Variants in FAM20B observed in about 807,000 individuals in gnomAD.
FAM20B encodes the protein glycosaminoglycan xylosylkinase.
Under a neutral mutation model 43.8 loss-of-function variants are expected in FAM20B, and 23 were observed. The ratio of observed to expected loss-of-function variants is 0.53; its 90% CI spans 0.38 to 0.74. The LOEUF is 0.74. Among genes scored for constraint, FAM20B ranks in the 30% least tolerant of loss-of-function variants. The pLI is 0.00. For synonymous variants in FAM20B, 178 were observed against 192.4 expected (o/e 0.93, Z 0.62); for missense variants, 440 against 510.5 (o/e 0.86, Z 1.33).
intron 5 of FAM20B, 24 bp downstream of exon 5, chr1:179,064,122 C>G (rs757192926): frequency 6.3e-7 from 1 of 1,587,236 alleles, no homozygotes; most frequent in Non-Finnish European, 8.6e-7. Flanking sequence ...TGAGCCATTA[C>G]TTAATTCTCC....
chr1:179,047,539 A>G (rs888183271), intron 2 of FAM20B, among the ~76,000 whole-genome samples: 1 of 145,026 alleles, frequency 6.9e-6, no homozygotes, highest in Non-Finnish European at 1.6e-5. Context: ...GCCTGTGTCC[A>G]CTCCCAGCAA....
At chr1:179,051,670 A>G (rs910295475) in intron 3 of FAM20B, among the ~76,000 whole-genome samples, 3 of 152,116 alleles carry the variant, frequency 2.0e-5, no homozygotes, top group Non-Finnish European at 2.9e-5. Context: ...TTTCTGAGAC[A>G]GAGTCTCACT....
At chr1:179,070,084 T>C (rs112571914) in intron 7 of FAM20B, among the ~76,000 whole-genome samples, 12,010 of 152,122 alleles carry the variant, frequency 0.079, 475 homozygotes, top group South Asian at 0.12. Context: ...CTCGCTCTGT[T>C]GCCCAGGCTG....
Position 179,028,911 on chromosome 1 carries a change from C to T in FAM20B, c.-134+2813C>T, listed in dbSNP as rs924505832. ...TCTTTTTGTCAAAAGAAAAAAAAAG[C>T]GTAGAAAATGTGTTTCGGATTACTG... On this transcript the variant is annotated intron_variant, in intron 1 of 7. Transcript: ENST00000263733. 1.7e-4 allele frequency among the ~76,000 whole-genome samples: 26 copies of T among 152,056 alleles called. 1 individual carries two copies. Among genetic ancestry groups the T allele is most frequent in the African/African-American group, 5.8e-4 (24 of 41,342 alleles).
intron 4 of FAM20B, among the ~76,000 whole-genome samples, chr1:179,055,115 TC>T (rs1289955163): frequency 6.6e-6 from 1 of 152,186 alleles, no homozygotes; most frequent in Non-Finnish European, 1.5e-5. Context: ...ACCTGGAAGA[TC>T]AACAGGCCTA....
At chr1:179,051,177 C>T (rs1221068550) in intron 3 of FAM20B, among the ~76,000 whole-genome samples, 2 of 151,172 alleles carry the variant, frequency 1.3e-5, no homozygotes, top group African/African-American at 4.9e-5. Context: ...TGTAAGTTAA[C>T]TAGGAAAATT....
upstream of FAM20B, among the ~76,000 whole-genome samples, chr1:179,021,027 C>T (rs1649596124): frequency 6.6e-6 from 1 of 152,196 alleles, no homozygotes; most frequent in South Asian, 2.1e-4. Flanking sequence ...GCTGAGATTG[C>T]ACCTCTGCAC....
intron 7 of FAM20B, among the ~76,000 whole-genome samples, chr1:179,068,562 A>G (rs956396663): frequency 7.2e-5 from 11 of 152,118 alleles, no homozygotes; most frequent in Admixed American, 1.3e-4. Context: ...CAGCCTCCCA[A>G]GTAGTTGGGA....
At chr1:179,071,273 G>C (rs1651911839) in intron 7 of FAM20B, among the ~76,000 whole-genome samples, 1 of 152,018 alleles carries the variant, frequency 6.6e-6, no homozygotes, top group Non-Finnish European at 1.5e-5. Flanking sequence ...TCCAGCCTGG[G>C]CGACAGAGCA....
chr1:179,053,857 A>G (rs1467081653), intron 3 of FAM20B, among the ~76,000 whole-genome samples: 1 of 152,212 alleles, frequency 6.6e-6, no homozygotes, highest in Admixed American at 6.5e-5. Context: ...CTTATATGCC[A>G]GAATGTCAGC....
chr1:179,050,370 G>A lies in FAM20B; in HGVS notation c.464+5G>A, dbSNP rs375570180. On this transcript the variant is annotated splice_donor_5th_base_variant and intron_variant, in intron 3 of 7. Transcript: ENST00000263733. ...AGCAGCCTTTCACTTGGACAGGTGC[G>A]TATGATCACAGCAGCTTATGTTCAT... 10 of 1,607,648 alleles carry A rather than the reference G, an allele frequency of 6.2e-6. No individual in the cohort carries two copies. Among genetic ancestry groups the A allele is most frequent in the South Asian group, 1.1e-5 (1 of 90,932 alleles).
chr1:179,064,789 G>A (rs1651621446), intron 6 of FAM20B, among the ~76,000 whole-genome samples: 1 of 152,074 alleles, frequency 6.6e-6, no homozygotes, highest in Admixed American at 6.6e-5. Context: ...GTTCTTTCTT[G>A]GCTATGATAT....
At position 179,068,088 on chromosome 1, in the gene FAM20B, A is replaced by G. The variant is rs188302229; in HGVS notation, c.998+1229A>G. Among the ~76,000 whole-genome samples, 50 of 152,300 alleles carry G rather than the reference A, an allele frequency of 3.3e-4. 2 individuals carry two copies. The highest frequency in any genetic ancestry group is 3.5e-4 in the Non-Finnish European group (24 of 68,030). ...ATCCTGGTGTAATTTTAGAGCACGC[A>G]CATCAAGAATTAGCTGGGATCCACC... On this transcript the variant is annotated intron_variant, in intron 7 of 7. Transcript: ENST00000263733.
At chr1:179,051,927 C>T (rs563180264) in intron 3 of FAM20B, among the ~76,000 whole-genome samples, 3 of 151,854 alleles carry the variant, frequency 2.0e-5, no homozygotes, top group African/African-American at 4.8e-5. Context: ...GGATTACAGA[C>T]GTGAGTCACC....
chr1:179,058,090 A>G (rs1651305599), intron 4 of FAM20B, among the ~76,000 whole-genome samples: 1 of 152,258 alleles, frequency 6.6e-6, no homozygotes, highest in African/African-American at 2.4e-5. Flanking sequence ...AATGAAACCA[A>G]TAATATTGAA....
In FAM20B at chr1:179,043,792, A is replaced by T; in HGVS notation, c.-56A>T. On this transcript the variant is annotated 5_prime_UTR_variant, in exon 2 of 8. Coordinates refer to ENST00000263733, the MANE Select transcript of FAM20B (RefSeq NM_014864.4). ...AATCTCCTTGCTAACCATCACCACCAGCTCTCCTTAATACATGAGCAAGAG... is the reference window on the plus strand; with the variant it reads ...AATCTCCTTGCTAACCATCACCACCTGCTCTCCTTAATACATGAGCAAGAG... 6.6e-7 allele frequency: 1 copy of T among 1,505,454 alleles called. No homozygotes were observed. The highest frequency in any genetic ancestry group is 9.0e-7 in the Non-Finnish European group (1 of 1,113,592). 93.3% of individuals were successfully genotyped at this position (1,505,454 alleles called of 1,614,324 possible).
At chr1:179,032,313 CTTTTTTTT>C (rs547439601) in intron 1 of FAM20B, among the ~76,000 whole-genome samples, 8,842 of 112,150 alleles carry the variant, frequency 0.079, 443 homozygotes, top group South Asian at 0.11. Context: ...AGGTCTCATT[CTTTTTTTT>C]TTTTTTTTTT....
chr1:179,034,619 C>T (rs1387896236), intron 1 of FAM20B, among the ~76,000 whole-genome samples: 4 of 152,156 alleles, frequency 2.6e-5, no homozygotes, highest in African/African-American at 9.7e-5. Context: ...GTCTTACCTC[C>T]TATACTCACC....
intron 2 of FAM20B, among the ~76,000 whole-genome samples, chr1:179,046,379 G>A (rs1351786929): frequency 1.3e-5 from 2 of 152,314 alleles, no homozygotes; most frequent in Admixed American, 6.5e-5. Context: ...GGCCGGGCAC[G>A]GTGGCTCACG....
Sources: gnomAD v4.1 joint callset for allele counts (sites outside exome capture counted in the v4.1 genomes callset) on GRCh38, gnomAD v4.1.1 for gene constraint, MANE v1.5 for transcripts, NCBI Gene and HGNC (gene_info 2026-07-23, HGNC 2026-07-21) for gene names.